The following ST8SIA5 variants were observed in gnomAD, a reference collection of about 807,000 sequenced individuals.
ST8SIA5 encodes ST8 alpha-N-acetyl-neuraminide alpha-2,8-sialyltransferase 5.
In ST8SIA5, 24 loss-of-function variants were observed where a neutral mutation model predicts 40.2. The ratio of observed to expected loss-of-function variants is 0.60; its 90% CI spans 0.43 to 0.84. The LOEUF (loss-of-function observed/expected upper bound fraction) is 0.84. Ranked by LOEUF, ST8SIA5 falls within the 40% of genes least tolerant of loss-of-function variation. ST8SIA5 has a pLI of 0.00. For synonymous variants in ST8SIA5, 198 were observed against 201.8 expected (o/e 0.98, Z 0.16); for missense variants, 465 against 498.5 (o/e 0.93, Z 0.64).
intron 1 of ST8SIA5, among the ~76,000 whole-genome samples, chr18:46,707,443 G>A (rs189720985): frequency 5.3e-5 from 8 of 152,206 alleles, no homozygotes; most frequent in African/African-American, 1.9e-4. Context: ...CAATCAGCCA[G>A]CCCTTCCATT....
chr18:46,725,119 C>T (rs988898250), intron 1 of ST8SIA5, among the ~76,000 whole-genome samples: 1 of 152,062 alleles, frequency 6.6e-6, no homozygotes, highest in African/African-American at 2.4e-5. Context: ...AAATATGCAG[C>T]TTAGAGAGGT....
rs57918947 is a variant in ST8SIA5, at chr18:46,721,502, C to T, written c.132-16838G>A. The T allele has an allele frequency of 2.2e-3, 3,306 of 1,518,240 alleles. 63 individuals are homozygous for T. In the African/African-American group the frequency reaches 0.04, roughly 18 times the overall value. 94.0% of individuals were successfully genotyped at this position (1,518,240 alleles called of 1,614,324 possible). ...GAAAACGAGGCAGTCGGTACTCATG[C>T]TCATTTGCTGGGTTAAGCCTGCCTA... On this transcript the variant is annotated intron_variant, in intron 1 of 6. Transcript: ENST00000315087.
rs752155636 is a variant in ST8SIA5, at chr18:46,680,521, C to T, written c.663-11G>A. On this transcript the variant is annotated splice_polypyrimidine_tract_variant and intron_variant, in intron 6 of 6. Transcript: ENST00000315087. ...TCCAGCTTGTGGAACCTACACAGGG[C>T]GCGAGTGAGAGGTGAGCACCCACTC... 3 of 1,563,400 alleles carry T rather than the reference C, an allele frequency of 1.9e-6. No individual in the cohort carries two copies. Among genetic ancestry groups the T allele is most frequent in the South Asian group, 1.2e-5 (1 of 83,866 alleles).
intron 2 of ST8SIA5, 67 bp from the exon 3 acceptor site, chr18:46,692,322 A>G: frequency 1.4e-6 from 2 of 1,462,078 alleles, no homozygotes; most frequent in Non-Finnish European, 1.9e-6. Flanking sequence ...CATTCCCAGA[A>G]ATGCTCCCTC....
At chr18:46,692,958 C>T (rs1264544094) in intron 2 of ST8SIA5, among the ~76,000 whole-genome samples, 1 of 148,558 alleles carries the variant, frequency 6.7e-6, no homozygotes, top group African/African-American at 2.5e-5. Flanking sequence ...TCAAACTAGC[C>T]AATCCTAAAC....
chr18:46,731,678 T>G (rs941510097), intron 1 of ST8SIA5: 8 of 152,324 alleles, frequency 5.3e-5, no homozygotes, highest in African/African-American at 1.9e-4. Context: ...CAGACGCCCT[T>G]ACCTTCCTGA....
At chr18:46,721,782 G>A (rs2039866545) in intron 1 of ST8SIA5, among the ~76,000 whole-genome samples, 1 of 152,172 alleles carries the variant, frequency 6.6e-6, no homozygotes, top group South Asian at 2.1e-4. Context: ...CCTATACCGT[G>A]CCATCCCTCA....
chr18:46,717,065 G>A (rs999866765), intron 1 of ST8SIA5, among the ~76,000 whole-genome samples: 1 of 152,222 alleles, frequency 6.6e-6, no homozygotes, highest in African/African-American at 2.4e-5. Context: ...AGTGGGGGAT[G>A]TTTTCCTGAG....
intron 4 of ST8SIA5, among the ~76,000 whole-genome samples, chr18:46,687,332 G>T (rs537810943): frequency 1.1e-4 from 17 of 152,216 alleles, no homozygotes. Flanking sequence ...TGATAGAGGT[G>T]AGTAGTAGTG....
chr18:46,704,032 A>G (rs903144932), intron 2 of ST8SIA5, among the ~76,000 whole-genome samples: 3 of 152,192 alleles, frequency 2.0e-5, no homozygotes, highest in Non-Finnish European at 4.4e-5. Context: ...TTATTCATGC[A>G]TTGACTCTGC....
At chr18:46,710,281 T>TC (rs1244836194) in intron 1 of ST8SIA5, among the ~76,000 whole-genome samples, 6 of 150,562 alleles carry the variant, frequency 4.0e-5, no homozygotes, top group Admixed American at 6.6e-5. Flanking sequence ...GCATCAGTTC[T>TC]CTCCCTGCCC....
At chr18:46,725,540 TG>T (rs35159962) in intron 1 of ST8SIA5, among the ~76,000 whole-genome samples, 21,232 of 151,118 alleles carry the variant, frequency 0.14, 2,036 homozygotes, top group East Asian at 0.33. Context: ...ATGGCACGGG[TG>T]GGGGGGGAAC....
chr18:46,703,997 T>C (rs1329772400), intron 2 of ST8SIA5, among the ~76,000 whole-genome samples: 1 of 152,162 alleles, frequency 6.6e-6, no homozygotes, highest in African/African-American at 2.4e-5. Context: ...AAAAAAAAAC[T>C]TTTTAAATCT....
chr18:46,690,561 C>A (rs1042477553), intron 3 of ST8SIA5, among the ~76,000 whole-genome samples: 15 of 150,446 alleles, frequency 1.0e-4, no homozygotes, highest in African/African-American at 3.4e-4. Context: ...CTTGCCACAT[C>A]ATTTCCCTAT....
At chr18:46,735,330 C>T (rs539072820) in intron 1 of ST8SIA5, among the ~76,000 whole-genome samples, 1 of 152,276 alleles carries the variant, frequency 6.6e-6, no homozygotes, top group African/African-American at 2.4e-5. Context: ...AATAAACTGC[C>T]CTTTATATAT....
intron 1 of ST8SIA5, among the ~76,000 whole-genome samples, chr18:46,738,490 G>A (rs775205983): frequency 8.5e-5 from 13 of 152,140 alleles, no homozygotes; most frequent in Non-Finnish European, 1.8e-4. Context: ...CAAAGTTAAC[G>A]CCTGAGAGTA....
chr18:46,714,698 C>T (rs1401618388), intron 1 of ST8SIA5, among the ~76,000 whole-genome samples: 1 of 152,140 alleles, frequency 6.6e-6, no homozygotes, highest in Non-Finnish European at 1.5e-5. Context: ...GAAGAGACCC[C>T]CTCACTCCAC....
chr18:46,718,965 G>T (rs968063758), intron 1 of ST8SIA5, among the ~76,000 whole-genome samples: 1 of 152,122 alleles, frequency 6.6e-6, no homozygotes, highest in Non-Finnish European at 1.5e-5. Context: ...CTGCTCACAC[G>T]CCAGGGTAAA....
chr18:46,743,777 G>C (rs1269755544), intron 1 of ST8SIA5, among the ~76,000 whole-genome samples: 1 of 152,180 alleles, frequency 6.6e-6, no homozygotes, highest in African/African-American at 2.4e-5. Flanking sequence ...ATTCACCAAA[G>C]TTGAAATGAA....
Sources: allele counts gnomAD v4.1 joint callset (sites outside exome capture counted in the v4.1 genomes callset), GRCh38; gene constraint gnomAD v4.1.1; transcripts MANE v1.5; gene names NCBI Gene and HGNC (gene_info 2026-07-23, HGNC 2026-07-21).